TBL1X: variants seen among roughly 807,000 people sequenced by gnomAD.
TBL1X encodes F-box-like/WD repeat-containing protein TBL1X.
TBL1X carries 10 observed loss-of-function variants against 50.7 expected under a neutral mutation model. The ratio of observed to expected loss-of-function variants is 0.20; its 90% CI spans 0.12 to 0.33. TBL1X has a LOEUF of 0.33. Ranked by LOEUF, TBL1X falls within the 10% of genes least tolerant of loss-of-function variation. The pLI is 1.00. For synonymous variants in TBL1X, 190 were observed against 214.7 expected (o/e 0.88, Z 1.01); for missense variants, 340 against 504.4 (o/e 0.67, Z 3.12).
At chrX:9,579,718 G>A (rs1327343069) in intron 2 of TBL1X, among the ~76,000 whole-genome samples, 2 of 111,337 alleles carry the variant, frequency 1.8e-5, no homozygotes, top group Non-Finnish European at 3.8e-5. Context: ...ACTGCTTATT[G>A]GGTGGTTTGA....
At chrX:9,566,425 C>A (rs2082351808) in intron 2 of TBL1X, among the ~76,000 whole-genome samples, 1 of 112,061 alleles carries the variant, frequency 8.9e-6, no homozygotes, top group Admixed American at 9.4e-5. Flanking sequence ...AGCTTCCTTA[C>A]ACAGACCTTG....
intron 2 of TBL1X, among the ~76,000 whole-genome samples, chrX:9,554,343 G>A (rs923344628): frequency 1.8e-5 from 2 of 112,509 alleles, no homozygotes; most frequent in Non-Finnish European, 3.7e-5. Context: ...AGATACTCTA[G>A]CATATTTTAT....
chrX:9,562,437 G>T (rs2082329095), intron 2 of TBL1X, among the ~76,000 whole-genome samples: 1 of 111,830 alleles, frequency 8.9e-6, no homozygotes, highest in Non-Finnish European at 1.9e-5. Context: ...TAGAAGTACT[G>T]ATTTTGCCAG....
intron 2 of TBL1X, among the ~76,000 whole-genome samples, chrX:9,578,715 T>C (rs374178014): frequency 4.3e-4 from 48 of 111,896 alleles, no homozygotes; most frequent in African/African-American, 1.5e-3. Flanking sequence ...CTTTTAAAGA[T>C]ACTGCAAATT....
At chrX:9,680,717 T>C (rs2083020354) in intron 5 of TBL1X, among the ~76,000 whole-genome samples, 1 of 111,651 alleles carries the variant, frequency 9.0e-6, no homozygotes. Context: ...TTTCAGCAAA[T>C]AGGAGGACTT....
intron 12 of TBL1X, among the ~76,000 whole-genome samples, chrX:9,697,737 C>T (rs1467091374): frequency 9.0e-6 from 1 of 111,603 alleles, no homozygotes; most frequent in Non-Finnish European, 1.9e-5. Flanking sequence ...CGCTACTGCA[C>T]TCCATCCTGG....
At chrX:9,509,126 A>G (rs1377990004) in intron 2 of TBL1X, among the ~76,000 whole-genome samples, 5 of 107,915 alleles carry the variant, frequency 4.6e-5, no homozygotes, top group East Asian at 5.8e-4. Context: ...GGTGGCTCAC[A>G]CCTGTAATCC....
chrX:9,533,059 C>T (rs139916858), intron 2 of TBL1X, among the ~76,000 whole-genome samples: 3,331 of 111,495 alleles, frequency 0.03, 123 homozygotes, highest in African/African-American at 0.1. Context: ...AATTAGACAG[C>T]GGTTGCAAAA....
intron 16 of TBL1X, among the ~76,000 whole-genome samples, chrX:9,712,568 C>G (rs2083254224): frequency 1.8e-5 from 2 of 112,044 alleles, no homozygotes; most frequent in African/African-American, 6.5e-5. Flanking sequence ...AACTCCTGAC[C>G]TCAGGTGATC....
At chrX:9,529,408 C>T (rs1185333132) in intron 2 of TBL1X, among the ~76,000 whole-genome samples, 1 of 111,487 alleles carries the variant, frequency 9.0e-6, no homozygotes, top group African/African-American at 3.3e-5. Context: ...GCCTCATCTC[C>T]GCAGTTGCCT....
At chrX:9,610,975 C>A (rs1046965789) in intron 2 of TBL1X, among the ~76,000 whole-genome samples, 4 of 111,834 alleles carry the variant, frequency 3.6e-5, no homozygotes, top group African/African-American at 1.3e-4. Context: ...CTGCCAAATT[C>A]AATAGACTGA....
chrX:9,594,861 C>G lies in TBL1X; in HGVS notation c.-130-45412C>G, dbSNP rs2082519703. 3.6e-5 allele frequency among the ~76,000 whole-genome samples: 4 copies of G among 111,948 alleles called. No individual in the cohort carries two copies. In the South Asian group the frequency reaches 1.5e-3, roughly 42 times the overall value. On this transcript the variant is annotated intron_variant, in intron 2 of 17. Transcript: ENST00000645353. ...GAATGGGTTTATTTTCTTTTTCTCT[C>G]TTGAATTGTCGGTGTATACCCGTGT... is the stretch of plus-strand genomic sequence containing the variant.
intron 2 of TBL1X, among the ~76,000 whole-genome samples, chrX:9,593,996 G>A (rs1199964830): frequency 1.8e-5 from 2 of 112,305 alleles, no homozygotes; most frequent in Admixed American, 9.4e-5. Context: ...CACTGGTGAT[G>A]CCCGATGTAG....
At chrX:9,672,683 C>T (rs765087622) in intron 5 of TBL1X, among the ~76,000 whole-genome samples, 2 of 111,448 alleles carry the variant, frequency 1.8e-5, no homozygotes, top group African/African-American at 6.5e-5. Flanking sequence ...CTCCAAGTCA[C>T]GGTGTGTATC....
At chrX:9,525,455 G>A (rs187507989) in intron 2 of TBL1X, among the ~76,000 whole-genome samples, 2 of 112,059 alleles carry the variant, frequency 1.8e-5, no homozygotes, top group African/African-American at 6.5e-5. Flanking sequence ...AGCAAATACC[G>A]CGGGAACACT....
At chrX:9,584,202 T>G (rs1359334562) in intron 2 of TBL1X, among the ~76,000 whole-genome samples, 1 of 112,102 alleles carries the variant, frequency 8.9e-6, no homozygotes, top group Non-Finnish European at 1.9e-5. Context: ...GAATTGTCAC[T>G]TCTTGGGATT....
At chrX:9,715,530 C>T (rs1292666177) in intron 17 of TBL1X, among the ~76,000 whole-genome samples, 2 of 111,789 alleles carry the variant, frequency 1.8e-5, no homozygotes, top group East Asian at 2.8e-4. Context: ...TTTGTGCGTC[C>T]GGATCTATCT....
intron 15 of TBL1X, among the ~76,000 whole-genome samples, chrX:9,710,707 C>T (rs73484520): frequency 4.1e-4 from 46 of 111,874 alleles, no homozygotes; most frequent in African/African-American, 1.5e-3. Context: ...AATGTGATTA[C>T]GTATGTGGAT....
At chrX:9,668,529 G>A (rs931642551) in intron 5 of TBL1X, among the ~76,000 whole-genome samples, 5 of 112,221 alleles carry the variant, frequency 4.5e-5, no homozygotes, top group Admixed American at 1.9e-4. Flanking sequence ...TTTACTGTGA[G>A]CAAAATTTGG....
Sources: gnomAD v4.1 joint callset for allele counts (sites outside exome capture counted in the v4.1 genomes callset) on GRCh38, gnomAD v4.1.1 for gene constraint, MANE v1.5 for transcripts, NCBI Gene and HGNC (gene_info 2026-07-23, HGNC 2026-07-21) for gene names.